Variants in VIT observed in about 807,000 individuals in gnomAD.
The protein encoded by VIT is vitrin.
Under a neutral mutation model 78.0 loss-of-function variants are expected in VIT, and 99 were observed. The ratio of observed to expected loss-of-function variants is 1.27; its 90% CI spans 1.08 to 1.50. The LOEUF (loss-of-function observed/expected upper bound fraction) is 1.50. Among genes scored for constraint, VIT ranks in the 40% most tolerant of loss-of-function variants. The probability of loss-of-function intolerance (pLI) is 0.00; values close to 1 mark genes in which losing one functional copy is unlikely to be tolerated. For missense variants in VIT, 1,126 were observed against 875.3 expected (o/e 1.29, Z -3.61); for synonymous variants, 374 against 334.3 (o/e 1.12, Z -1.29).
In VIT at chr2:36,759,434, G is replaced by A. The variant is rs186604478; in HGVS notation, c.487+388G>A. The A allele has an allele frequency of 5.5e-5, 70 of 1,267,950 alleles. 1 individual carries two copies. The highest frequency in any genetic ancestry group is 5.1e-5 in the Non-Finnish European group (51 of 999,218). 78.5% of individuals were successfully genotyped at this position (1,267,950 alleles called of 1,614,324 possible). On this transcript the variant is annotated intron_variant, in intron 6 of 15. Transcript: ENST00000379242. ...TGAAATGAAGAGAAGCAAAGAGAACGAGGTGGTTTATGTGATAACAGCAAG... is the reference window on the plus strand; with the variant it reads ...TGAAATGAAGAGAAGCAAAGAGAACAAGGTGGTTTATGTGATAACAGCAAG...
chr2:36,722,678 G>A (rs1031496034), intron 2 of VIT, among the ~76,000 whole-genome samples: 1 of 152,218 alleles, frequency 6.6e-6, no homozygotes, highest in African/African-American at 2.4e-5. Context: ...GGGCTAGAAT[G>A]AGGCATGCTT....
intron 14 of VIT, 53 bp from the exon 15 acceptor site, chr2:36,808,419 C>T: frequency 6.4e-7 from 1 of 1,551,568 alleles, no homozygotes; most frequent in East Asian, 2.3e-5. Context: ...CTAATGGTGA[C>T]ACTGGAGGAT....
chr2:36,794,883 T>G (rs1665757746), intron 12 of VIT, among the ~76,000 whole-genome samples: 2 of 152,324 alleles, frequency 1.3e-5, no homozygotes, highest in East Asian at 1.9e-4. Context: ...GAAGCACCTA[T>G]TCATTCATTA....
intron 11 of VIT, among the ~76,000 whole-genome samples, chr2:36,786,507 C>T (rs1352546964): frequency 2.0e-5 from 3 of 152,120 alleles, no homozygotes; most frequent in African/African-American, 4.8e-5. Flanking sequence ...GAATAACTAT[C>T]CTGGTCCTCA....
intron 15 of VIT, 129 bp from the exon 16 acceptor site, chr2:36,814,054 G>A: frequency 1.9e-6 from 2 of 1,071,338 alleles, no homozygotes; most frequent in African/African-American, 1.6e-5. Flanking sequence ...GCGTATTTTT[G>A]GTTTTGTTTT....
intron 11 of VIT, among the ~76,000 whole-genome samples, chr2:36,785,145 T>A (rs1291017291): frequency 4.6e-5 from 7 of 152,228 alleles, no homozygotes; most frequent in Non-Finnish European, 2.9e-5. Flanking sequence ...AATTAACACT[T>A]GTTCCCAAAA....
chr2:36,709,151 AAAAT>A (rs1665644503), intron 1 of VIT, among the ~76,000 whole-genome samples: 1 of 152,166 alleles, frequency 6.6e-6, no homozygotes, highest in Admixed American at 6.5e-5. Context: ...CTCCGTCTCA[AAAAT>A]AAATAAATAA....
intron 4 of VIT, among the ~76,000 whole-genome samples, chr2:36,745,664 G>T (rs560257296): frequency 2.0e-5 from 3 of 151,978 alleles, no homozygotes; most frequent in Non-Finnish European, 4.4e-5. Flanking sequence ...TTTTGTATTC[G>T]GAAAATTTAC....
At chr2:36,739,309 A>G (rs1302414516) in intron 3 of VIT, among the ~76,000 whole-genome samples, 1 of 152,220 alleles carries the variant, frequency 6.6e-6, no homozygotes, top group Non-Finnish European at 1.5e-5. Flanking sequence ...ATGAGTGGCA[A>G]AATAAGGAAT....
chr2:36,798,774 A>G (rs543501086), intron 12 of VIT, among the ~76,000 whole-genome samples: 89 of 152,238 alleles, frequency 5.8e-4, no homozygotes, highest in African/African-American at 2.1e-3. Flanking sequence ...AAATAAATAG[A>G]TAAAATTTTT....
At chr2:36,719,488 G>C (rs1276069783) in intron 2 of VIT, among the ~76,000 whole-genome samples, 1 of 152,044 alleles carries the variant, frequency 6.6e-6, no homozygotes, top group Non-Finnish European at 1.5e-5. Flanking sequence ...TAAAGTTATA[G>C]AATACAAAAT....
At chr2:36,813,595 C>G (rs1667351023) in intron 15 of VIT, among the ~76,000 whole-genome samples, 1 of 152,204 alleles carries the variant, frequency 6.6e-6, no homozygotes, top group African/African-American at 2.4e-5. Flanking sequence ...GGGACCATCT[C>G]TCTGGCACCT....
At chr2:36,734,597 G>A (rs757874703) in intron 3 of VIT, among the ~76,000 whole-genome samples, 8 of 152,184 alleles carry the variant, frequency 5.3e-5, no homozygotes, top group Admixed American at 1.3e-4. Context: ...AATGGGAGAA[G>A]GAGAAGAGCA....
intron 15 of VIT, among the ~76,000 whole-genome samples, chr2:36,812,891 C>G (rs761667567): frequency 3.6e-5 from 5 of 139,010 alleles, no homozygotes; most frequent in African/African-American, 1.4e-4. Context: ...GATGGAGTCT[C>G]GCTCTGTCAC....
intron 6 of VIT, chr2:36,759,612 T>C: frequency 9.9e-7 from 1 of 1,006,636 alleles, no homozygotes; most frequent in Non-Finnish European, 1.2e-6. Flanking sequence ...AACTGTACTA[T>C]GCATTATTGT....
At chr2:36,725,789 C>T (rs560449229) in intron 2 of VIT, among the ~76,000 whole-genome samples, 55 of 152,202 alleles carry the variant, frequency 3.6e-4, no homozygotes, top group South Asian at 6.2e-4. Context: ...ACAAACACAC[C>T]CGCCGGGCAC....
At chr2:36,772,664 A>G (rs904498603) in intron 7 of VIT, among the ~76,000 whole-genome samples, 3 of 152,204 alleles carry the variant, frequency 2.0e-5, no homozygotes, top group African/African-American at 7.2e-5. Flanking sequence ...CTATGATCAC[A>G]CCACTGTACC....
chr2:36,708,296 C>T (rs959949633), intron 1 of VIT, among the ~76,000 whole-genome samples: 3 of 152,196 alleles, frequency 2.0e-5, no homozygotes, highest in Admixed American at 6.5e-5. Flanking sequence ...AAACACAGCA[C>T]AAGCCTCTTA....
chr2:36,779,598 A>C (rs1302987235), intron 9 of VIT, among the ~76,000 whole-genome samples: 1 of 152,094 alleles, frequency 6.6e-6, no homozygotes, highest in African/African-American at 2.4e-5. Flanking sequence ...TCCATTAGCT[A>C]TTCTTCCTGA....
Sources: gnomAD v4.1 joint callset for allele counts (sites outside exome capture counted in the v4.1 genomes callset) on GRCh38, gnomAD v4.1.1 for gene constraint, MANE v1.5 for transcripts, NCBI Gene and HGNC (gene_info 2026-07-23, HGNC 2026-07-21) for gene names.